Variants in CSMD2 observed in about 807,000 individuals in gnomAD.
CSMD2 encodes the protein CUB and Sushi multiple domains 2.
In CSMD2, 130 loss-of-function variants were observed where a neutral mutation model predicts 398.5. The ratio of observed to expected loss-of-function variants is 0.33; its 90% CI spans 0.28 to 0.38. The LOEUF (loss-of-function observed/expected upper bound fraction) is 0.38, where lower values mean the gene tolerates loss of function less well. Among genes scored for constraint, CSMD2 ranks in the 10% least tolerant of loss-of-function variants. The pLI is 1.00. For missense variants in CSMD2, 3,829 were observed against 4,764.9 expected (o/e 0.80, Z 5.78); for synonymous variants, 1,828 against 1,908.5 (o/e 0.96, Z 1.10).
intron 2 of CSMD2, among the ~76,000 whole-genome samples, chr1:34,081,848 T>C (rs146678817): frequency 0.016 from 2,458 of 151,986 alleles, 69 homozygotes; most frequent in African/African-American, 0.055. Flanking sequence ...GGAGCGTCTC[T>C]AACTGGCTGC....
rs890709343 is a variant in CSMD2 at position 34,124,614 on chromosome 1, T to A, written c.188-35421A>T. On this transcript the variant is annotated intron_variant, in intron 1 of 70. Transcript: ENST00000373381. ...GAACTTCCCATTCATAAGCACAGCA[T>A]GGGGAGAAACAAGAAGGGGTCTGTG... Among the ~76,000 whole-genome samples the A allele has an allele frequency of 3.3e-5, 5 of 152,282 alleles. No individual in the cohort carries two copies. The South Asian group carries it at 6.2e-4, about 19-fold the overall frequency.
chr1:34,007,001 G>A (rs1647079215), intron 3 of CSMD2, among the ~76,000 whole-genome samples: 1 of 152,108 alleles, frequency 6.6e-6, no homozygotes, highest in African/African-American at 2.4e-5. Context: ...CACTGCCTCT[G>A]GAGATTCTGC....
chr1:33,652,903 C>T (rs542754802), intron 27 of CSMD2, among the ~76,000 whole-genome samples: 2 of 152,088 alleles, frequency 1.3e-5, no homozygotes, highest in Non-Finnish European at 2.9e-5. Context: ...TACAGGCGCC[C>T]GCCACCATGC....
chr1:33,656,504 C>T (rs1040920540), intron 27 of CSMD2, among the ~76,000 whole-genome samples: 28 of 152,168 alleles, frequency 1.8e-4, no homozygotes, highest in African/African-American at 5.3e-4. Context: ...ACTTCAGGGC[C>T]AGGCCTCAGA....
Position 33,694,243 on chromosome 1 carries a change from C to A in CSMD2, c.3926-1187G>T, listed in dbSNP as rs145323593. ...GAAGGTACGTTAGTGGTTGCCAGGG[C>A]CTGGGGAAGGGGACAACGGGGAGTG... On this transcript the variant is annotated intron_variant, in intron 24 of 70. Coordinates refer to ENST00000373381, the MANE Select transcript of CSMD2 (RefSeq NM_001281956.2). Among the ~76,000 whole-genome samples, 396 of 152,214 alleles carry A rather than the reference C, an allele frequency of 2.6e-3. 1 individual carries two copies. The highest frequency in any genetic ancestry group is 9.2e-3 in the African/African-American group (381 of 41,532).
In CSMD2 at chr1:33,883,156, T is replaced by A. The variant is rs376580557; in HGVS notation, c.920+34938A>T. 9.8e-5 allele frequency among the ~76,000 whole-genome samples: 15 copies of A among 152,308 alleles called. 1 individual carries two copies. The highest frequency in any genetic ancestry group is 3.4e-4 in the African/African-American group (14 of 41,566). On this transcript the variant is annotated intron_variant, in intron 5 of 70. Transcript: ENST00000373381. ...TACCCATTGGTTCAGTTTCTCCCAGTTATTTAAACTTTCTTCCATAGAATG... is the reference window on the plus strand; with the variant it reads ...TACCCATTGGTTCAGTTTCTCCCAGATATTTAAACTTTCTTCCATAGAATG...
At chr1:34,061,880 G>C (rs76728899) in intron 2 of CSMD2, among the ~76,000 whole-genome samples, 5 of 152,122 alleles carry the variant, frequency 3.3e-5, no homozygotes, top group African/African-American at 1.2e-4. Flanking sequence ...CATTATTGCC[G>C]TCTATGCACA....
intron 5 of CSMD2, among the ~76,000 whole-genome samples, chr1:33,916,719 C>G (rs1301123407): frequency 6.6e-6 from 1 of 152,164 alleles, no homozygotes; most frequent in East Asian, 1.9e-4. Context: ...GTTCCCAAAT[C>G]TGAGCCTATA....
rs1642812572 is a variant in CSMD2, at chr1:33,636,504, G to A, written c.4825C>T (p.Arg1609Trp). The change falls in exon 30 of 71, where the codon CGG becomes TGG. Residue 1609 changes from arginine (R) to tryptophan (W), a missense_variant. Transcript: ENST00000373381. The surrounding 1 kb of genome is among the most constrained non-coding windows in gnomAD (Gnocchi z 4.8). ...FDPGSIKNGTRVGSDLKLGSS... is the reference protein window; with the variant it reads ...FDPGSIKNGTWVGSDLKLGSS... ...CCCAGCTTCAGGTCGGACCCCACCC[G>A]TGTGCCGTTCTTGATGGAACCAGGA... 2.9e-5 allele frequency: 46 copies of A among 1,613,986 alleles called. No homozygotes were observed. The highest frequency in any genetic ancestry group is 3.8e-5 in the Non-Finnish European group (45 of 1,180,028).
chr1:34,108,333 G>T (rs1157267579), intron 1 of CSMD2, among the ~76,000 whole-genome samples: 1 of 152,138 alleles, frequency 6.6e-6, no homozygotes, highest in Non-Finnish European at 1.5e-5. Flanking sequence ...AGAAAGCCTG[G>T]GTTCTTAACT....
chr1:33,653,679 T>C (rs1643872222), intron 27 of CSMD2, among the ~76,000 whole-genome samples: 1 of 152,100 alleles, frequency 6.6e-6, no homozygotes, highest in African/African-American at 2.4e-5. Flanking sequence ...GGTCTCTTCC[T>C]CCATGGCTGG....
intron 3 of CSMD2, among the ~76,000 whole-genome samples, chr1:34,000,461 T>A (rs1398650083): frequency 6.6e-6 from 1 of 152,080 alleles, no homozygotes; most frequent in African/African-American, 2.4e-5. Context: ...CAAAGAGAAA[T>A]GCCGGATCTG....
At chr1:34,054,293 A>G (rs1012826303) in intron 2 of CSMD2, among the ~76,000 whole-genome samples, 1 of 152,230 alleles carries the variant, frequency 6.6e-6, no homozygotes, top group African/African-American at 2.4e-5. Context: ...TATGACTAGT[A>G]CGAAGCCAGC....
At chr1:33,968,672 T>G (rs12741288) in intron 3 of CSMD2, among the ~76,000 whole-genome samples, 8,088 of 152,120 alleles carry the variant, frequency 0.053, 266 homozygotes, top group East Asian at 0.095. Flanking sequence ...ATTGAACTCC[T>G]CCTCCAGATG....
chr1:33,608,847 T>C (rs1242718989), intron 41 of CSMD2, among the ~76,000 whole-genome samples: 1 of 152,134 alleles, frequency 6.6e-6, no homozygotes, highest in East Asian at 1.9e-4. Flanking sequence ...GGACAGTAAG[T>C]TTCCGTTGTT....
chr1:33,877,793 T>A (rs2125164127), intron 5 of CSMD2, among the ~76,000 whole-genome samples: 1 of 152,128 alleles, frequency 6.6e-6, no homozygotes, highest in African/African-American at 2.4e-5. Context: ...GATGTTAAGT[T>A]AATGTCGAAG....
chr1:34,038,882 G>A (rs961169301), intron 2 of CSMD2, among the ~76,000 whole-genome samples: 2 of 152,048 alleles, frequency 1.3e-5, no homozygotes, highest in Non-Finnish European at 2.9e-5. Context: ...CTCTTCCCCC[G>A]CTTTTCTCCC....
chr1:33,735,937 G>A (rs556142302), intron 15 of CSMD2, among the ~76,000 whole-genome samples: 4 of 152,156 alleles, frequency 2.6e-5, no homozygotes, highest in African/African-American at 7.2e-5. Flanking sequence ...GTTCCCAGGG[G>A]CTTCTTTAGC....
chr1:33,544,831 TTA>T (rs56072818), intron 57 of CSMD2, among the ~76,000 whole-genome samples: 44,860 of 141,644 alleles, frequency 0.32, 6,972 homozygotes, highest in Middle Eastern at 0.42. Context: ...CACTGTGCAT[TTA>T]TATATATATA....
Sources: gnomAD v4.1 joint callset for allele counts (sites outside exome capture counted in the v4.1 genomes callset) on GRCh38, gnomAD v4.1.1 for gene constraint, Gnocchi (gnomAD v3.1) non-coding constraint, MANE v1.5 for transcripts, NCBI Gene and HGNC (gene_info 2026-07-23, HGNC 2026-07-21) for gene names.